RSPO4: variants seen among roughly 807,000 people sequenced by gnomAD.
RSPO4 encodes the protein R-spondin 4.
In RSPO4, 23 loss-of-function variants were observed where a neutral mutation model predicts 24.8. The ratio of observed to expected loss-of-function variants is 0.93; its 90% CI spans 0.67 to 1.31. The LOEUF is 1.31. Among genes scored for constraint, RSPO4 ranks in the 40% most tolerant of loss-of-function variants. The probability of loss-of-function intolerance (pLI) is 0.00; values close to 1 mark genes in which losing one functional copy is unlikely to be tolerated. For missense variants in RSPO4, 333 were observed against 316.5 expected (o/e 1.05, Z -0.39); for synonymous variants, 141 against 127.4 (o/e 1.11, Z -0.72).
chr20:981,200 C>T lies in RSPO4; in HGVS notation c.80-13062G>A, dbSNP rs1202522971. On this transcript the variant is annotated intron_variant, in intron 1 of 4. Transcript: ENST00000217260. The surrounding 1 kb of genome is among the most constrained non-coding windows in gnomAD (Gnocchi z 4.6). ...CTTACCCTGTTGGTCTGATGATGAA[C>T]GTGGAGCGGGAAAATGGGAGTGATA... Among the ~76,000 whole-genome samples the T allele has an allele frequency of 1.3e-5, 2 of 152,120 alleles. No individual in the cohort carries two copies. The highest frequency in any genetic ancestry group is 2.4e-5 in the African/African-American group (1 of 41,432).
At chr20:986,518 G>C (rs565049700) in intron 1 of RSPO4, among the ~76,000 whole-genome samples, 3 of 152,182 alleles carry the variant, frequency 2.0e-5, no homozygotes, top group African/African-American at 7.2e-5. Context: ...GGAAAGGAGA[G>C]CTTCAAATCA....
chr20:964,752 A>T (rs1984129781), intron 3 of RSPO4, among the ~76,000 whole-genome samples: 2 of 137,388 alleles, frequency 1.5e-5, no homozygotes, highest in South Asian at 4.3e-4. Flanking sequence ...ACATATATAT[A>T]CACATATATA....
intron 1 of RSPO4, among the ~76,000 whole-genome samples, chr20:997,852 G>A (rs972196913): frequency 6.6e-5 from 10 of 152,202 alleles, no homozygotes; most frequent in African/African-American, 2.4e-4. Context: ...TGCTCCGGAT[G>A]CACCACAAGC....
intron 1 of RSPO4, among the ~76,000 whole-genome samples, chr20:992,263 CTTTTTT>C (rs35286852): frequency 4.6e-4 from 57 of 123,480 alleles, no homozygotes; most frequent in African/African-American, 1.7e-3. Context: ...GGTCCACTTT[CTTTTTT>C]TTTTTTTTTT....
intron 1 of RSPO4, among the ~76,000 whole-genome samples, chr20:985,214 C>CACCCAACCATCT (rs1984877657): frequency 6.9e-6 from 1 of 145,980 alleles, no homozygotes; most frequent in African/African-American, 2.7e-5. Context: ...TCCATCCATC[C>CACCCAACCATCT]ATCCATCCAC....
At chr20:1,000,111 C>T (rs777180606) in intron 1 of RSPO4, among the ~76,000 whole-genome samples, 4 of 152,116 alleles carry the variant, frequency 2.6e-5, no homozygotes, top group Non-Finnish European at 5.9e-5. Context: ...TCAAATGATC[C>T]GCCTGCCTTG....
In RSPO4 at chr20:1,002,031, C is replaced by T; in HGVS notation, c.79+55G>A. ...GAGCCGCCGCCCCCGGTCCTCCGGC[C>T]CCCGGTCTGCCCCGCAGCGCCTGCC... On this transcript the variant is annotated intron_variant, in intron 1 of 4. Transcript: ENST00000217260. This position sits in a 1 kb window ranked among gnomAD's most constrained non-coding sequence, Gnocchi z 4.6. 8.2e-6 allele frequency: 12 copies of T among 1,471,096 alleles called. No individual in the cohort carries two copies. The South Asian group carries it at 1.3e-4, about 16-fold the overall frequency. The allele number at this position is 1,471,096 out of a possible 1,614,324, so 91.1% of individuals were successfully genotyped here.
At chr20:992,753 C>T (rs566210891) in intron 1 of RSPO4, among the ~76,000 whole-genome samples, 10 of 152,344 alleles carry the variant, frequency 6.6e-5, no homozygotes, top group African/African-American at 2.2e-4. Context: ...CAGCCCAAAT[C>T]TCACACTCCC....
At chr20:977,714 G>A (rs1447839720) in intron 1 of RSPO4, among the ~76,000 whole-genome samples, 1 of 152,146 alleles carries the variant, frequency 6.6e-6, no homozygotes, top group East Asian at 1.9e-4. Context: ...TAATACAGCT[G>A]TCCTGGAGGA....
At chr20:966,389 T>C (rs1317453111) in intron 3 of RSPO4, among the ~76,000 whole-genome samples, 1 of 152,118 alleles carries the variant, frequency 6.6e-6, no homozygotes, top group Non-Finnish European at 1.5e-5. Flanking sequence ...CTTTAAATTG[T>C]ACTAATTCAC....
At chr20:979,878 C>G (rs1219113371) in intron 1 of RSPO4, among the ~76,000 whole-genome samples, 1 of 152,106 alleles carries the variant, frequency 6.6e-6, no homozygotes, top group South Asian at 2.1e-4. Flanking sequence ...TCTCCCACGT[C>G]GCTATGTTCT....
rs1984723579 is a variant in RSPO4 at position 981,175 on chromosome 20, C to T, written c.80-13037G>A. On this transcript the variant is annotated intron_variant, in intron 1 of 4. Transcript: ENST00000217260. This position sits in a 1 kb window ranked among gnomAD's most constrained non-coding sequence, Gnocchi z 4.6. ...GACTCATTCTACTGTGTCACACTGC[C>T]TTACCCTGTTGGTCTGATGATGAAC... Among the ~76,000 whole-genome samples, 1 of 152,214 alleles carries T rather than the reference C, an allele frequency of 6.6e-6. No individual in the cohort carries two copies. The highest frequency in any genetic ancestry group is 6.5e-5 in the Admixed American group (1 of 15,284).
chr20:962,027 T>G (rs471263), intron 4 of RSPO4, among the ~76,000 whole-genome samples: 6,217 of 152,216 alleles, frequency 0.041, 158 homozygotes, highest in Middle Eastern at 0.085. Flanking sequence ...CACCTGTGCA[T>G]TCAGCCATCC....
intron 1 of RSPO4, among the ~76,000 whole-genome samples, chr20:988,523 T>C (rs1984994590): frequency 6.6e-6 from 1 of 152,180 alleles, no homozygotes; most frequent in South Asian, 2.1e-4. Context: ...ACATAGCACA[T>C]GCTAGACAGA....
At chr20:966,438 T>C (rs967229607) in intron 3 of RSPO4, among the ~76,000 whole-genome samples, 4 of 150,222 alleles carry the variant, frequency 2.7e-5, no homozygotes, top group African/African-American at 9.8e-5. Context: ...AGGTAGGCTC[T>C]ATGTTCTATT....
At chr20:964,332 GC>G (rs1249239918) in intron 3 of RSPO4, among the ~76,000 whole-genome samples, 1 of 152,200 alleles carries the variant, frequency 6.6e-6, no homozygotes, top group Non-Finnish European at 1.5e-5. Context: ...AGCCAGAGCG[GC>G]CGACTGTCTA....
At chr20:994,580 G>A (rs532167825) in intron 1 of RSPO4, among the ~76,000 whole-genome samples, 40 of 152,170 alleles carry the variant, frequency 2.6e-4, no homozygotes, top group African/African-American at 7.7e-4. Context: ...TTTTTTAGAC[G>A]AAGTCTTGTT....
intron 1 of RSPO4, among the ~76,000 whole-genome samples, chr20:997,947 GA>G (rs1430187934): frequency 6.6e-6 from 1 of 152,226 alleles, no homozygotes; most frequent in Non-Finnish European, 1.5e-5. Context: ...AATGGGAAGG[GA>G]AAGTGGTCAA....
intron 1 of RSPO4, 128 bp downstream of exon 1, chr20:1,001,958 T>C (rs1985479077): frequency 5.5e-6 from 4 of 728,792 alleles, no homozygotes; most frequent in South Asian, 1.6e-5. Context: ...GAGACTCGTC[T>C]GGAGGAGCGA....
Sources: allele counts gnomAD v4.1 joint callset (sites outside exome capture counted in the v4.1 genomes callset), GRCh38; gene constraint gnomAD v4.1.1; non-coding constraint Gnocchi (gnomAD v3.1); transcripts MANE v1.5; gene names NCBI Gene and HGNC (gene_info 2026-07-23, HGNC 2026-07-21).